EYA4: variants seen among roughly 807,000 people sequenced by gnomAD.
The protein encoded by EYA4 is protein phosphatase EYA4.
In EYA4, 31 loss-of-function variants were observed where a neutral mutation model predicts 87.9. The observed-to-expected ratio is 0.35, with a 90% CI of 0.27 to 0.48. The LOEUF (loss-of-function observed/expected upper bound fraction) is 0.48. Ranked by LOEUF, EYA4 falls within the 20% of genes least tolerant of loss-of-function variation. The pLI is 0.99. For synonymous variants in EYA4, 263 were observed against 270.6 expected (o/e 0.97, Z 0.28); for missense variants, 678 against 761.4 (o/e 0.89, Z 1.29).
chr6:133,300,460 G>A (rs1258092803), intron 2 of EYA4, among the ~76,000 whole-genome samples: 1 of 152,124 alleles, frequency 6.6e-6, no homozygotes, highest in Non-Finnish European at 1.5e-5. Context: ...TTACTGGCCA[G>A]TATTTAGTCT....
At chr6:133,512,671 G>GT (rs749469651) in intron 14 of EYA4, 50 bp from the exon 15 acceptor site, 191 of 1,416,590 alleles carry the variant, frequency 1.3e-4, no homozygotes, top group Non-Finnish European at 1.9e-4. Flanking sequence ...TTCAAGCATG[G>GT]TAACAAGCAT....
intron 13 of EYA4, among the ~76,000 whole-genome samples, chr6:133,489,632 A>G (rs1796971931): frequency 6.6e-6 from 1 of 151,992 alleles, no homozygotes; most frequent in Admixed American, 6.6e-5. Context: ...AAAAAAAAAA[A>G]CCATATTTAC....
At chr6:133,336,254 GA>G (rs2128396192) in intron 2 of EYA4, among the ~76,000 whole-genome samples, 1 of 152,214 alleles carries the variant, frequency 6.6e-6, no homozygotes, top group South Asian at 2.1e-4. Flanking sequence ...ACTAATAAGA[GA>G]GGAAAAAATG....
At chr6:133,467,610 TAATC>T (rs1794963560) in intron 10 of EYA4, among the ~76,000 whole-genome samples, 1 of 152,126 alleles carries the variant, frequency 6.6e-6, no homozygotes, top group Non-Finnish European at 1.5e-5. Context: ...CCATATTACT[TAATC>T]ATTTATGAAG....
intron 2 of EYA4, among the ~76,000 whole-genome samples, chr6:133,298,050 G>GT (rs1384524383): frequency 6.6e-6 from 1 of 152,122 alleles, no homozygotes; most frequent in Non-Finnish European, 1.5e-5. Flanking sequence ...AAAGAAAAGA[G>GT]TTTTTCCCCA....
chr6:133,456,010 C>T (rs1562442249), intron 5 of EYA4, among the ~76,000 whole-genome samples: 2 of 152,038 alleles, frequency 1.3e-5, no homozygotes, highest in Non-Finnish European at 2.9e-5. Flanking sequence ...AATTGTTATG[C>T]CATTAAAGTA....
intron 13 of EYA4, among the ~76,000 whole-genome samples, chr6:133,485,548 G>T (rs1478621410): frequency 6.6e-6 from 1 of 152,168 alleles, no homozygotes; most frequent in Non-Finnish European, 1.5e-5. Context: ...CTGAAGCCAT[G>T]TTCTTTCTGC....
chr6:133,521,167 G>A (rs1308857196), intron 17 of EYA4, among the ~76,000 whole-genome samples: 1 of 151,846 alleles, frequency 6.6e-6, no homozygotes, highest in Admixed American at 6.6e-5. Context: ...TACCATCAGA[G>A]TGAACAGGCA....
intron 5 of EYA4, among the ~76,000 whole-genome samples, chr6:133,448,706 T>C (rs565106019): frequency 6.6e-6 from 1 of 152,318 alleles, no homozygotes; most frequent in African/African-American, 2.4e-5. Flanking sequence ...AAGCTATACA[T>C]TTAAAACTAG....
intron 2 of EYA4, among the ~76,000 whole-genome samples, chr6:133,296,620 T>C (rs1778966330): frequency 6.6e-6 from 1 of 152,126 alleles, no homozygotes. Flanking sequence ...TTTTTGACCC[T>C]AAGTATTATG....
Position 133,513,028 on chromosome 6 carries a change from C to A in EYA4, c.1491C>A (p.Asn497Lys), listed in dbSNP as rs1279010897. ...RVKELYNTYKNNVGGLLGPAK... is the reference protein window; with the variant it reads ...RVKELYNTYKKNVGGLLGPAK... ...AAGAATTATATAACACCTACAAGAACAACGTTGGAGGTATGTGTGGCTTTT... is the reference window on the plus strand; with the variant it reads ...AAGAATTATATAACACCTACAAGAAAAACGTTGGAGGTATGTGTGGCTTTT... The change falls in exon 16 of 20, where the codon AAC becomes AAA. Residue 497 changes from asparagine (N) to lysine (K), a missense_variant. Physicochemically the swap from Asn to Lys is moderately conservative, Grantham distance 94. Coordinates refer to ENST00000355286, the MANE Select transcript of EYA4 (RefSeq NM_004100.5). 1 of 1,613,894 alleles carries A rather than the reference C, an allele frequency of 6.2e-7. No individual in the cohort carries two copies. Among genetic ancestry groups the A allele is most frequent in the Non-Finnish European group, 8.5e-7 (1 of 1,179,806 alleles).
intron 13 of EYA4, among the ~76,000 whole-genome samples, chr6:133,491,237 A>C (rs1382325175): frequency 6.6e-6 from 1 of 152,148 alleles, no homozygotes; most frequent in Non-Finnish European, 1.5e-5. Context: ...TATAGCTATA[A>C]TTGTCTGCAT....
chr6:133,520,195 G>T (rs1240049857), intron 17 of EYA4, among the ~76,000 whole-genome samples: 1 of 151,794 alleles, frequency 6.6e-6, no homozygotes, highest in Non-Finnish European at 1.5e-5. Context: ...AAGTCAAATT[G>T]TCCCTCTTTG....
intron 3 of EYA4, among the ~76,000 whole-genome samples, chr6:133,414,129 T>G (rs986363586): frequency 1.3e-5 from 2 of 152,198 alleles, no homozygotes; most frequent in African/African-American, 4.8e-5. Flanking sequence ...TTCTAATCTA[T>G]GCATCCAGAC....
chr6:133,443,552 C>T (rs146863323), intron 3 of EYA4, among the ~76,000 whole-genome samples: 4 of 152,006 alleles, frequency 2.6e-5, no homozygotes, highest in African/African-American at 4.8e-5. Flanking sequence ...TTGTTTCCTT[C>T]TACTTACCTT....
chr6:133,377,876 C>T (rs535149019), intron 2 of EYA4, among the ~76,000 whole-genome samples: 1 of 152,042 alleles, frequency 6.6e-6, no homozygotes, highest in East Asian at 1.9e-4. Flanking sequence ...GTGGGTCGTT[C>T]CCAGAAATCC....
chr6:133,530,941 A>G lies in EYA4; in HGVS notation c.*2136A>G. On this transcript the variant is annotated 3_prime_UTR_variant, in exon 20 of 20. Transcript: ENST00000355286. The stretch of plus-strand genomic sequence containing the variant: ...TTGCCTTGATTATCAGTACTTAATT[A>G]TGTTGTGCACTAAAACCTTAAATAT... 4.2e-6 allele frequency: 5 copies of G among 1,195,390 alleles called. No individual in the cohort carries two copies. The highest frequency in any genetic ancestry group is 5.2e-6 in the Non-Finnish European group (5 of 962,214). 74.0% of individuals were successfully genotyped at this position (1,195,390 alleles called of 1,614,324 possible). A position where few individuals can be genotyped will look rare whatever the true frequency, so the allele number is the denominator to read the frequency against.
chr6:133,258,984 C>A (rs906733952), intron 1 of EYA4, among the ~76,000 whole-genome samples: 5 of 151,996 alleles, frequency 3.3e-5, no homozygotes, highest in Non-Finnish European at 5.9e-5. Flanking sequence ...AATTGGTTTT[C>A]CTTTACATTT....
intron 14 of EYA4, among the ~76,000 whole-genome samples, 161 bp from the exon 15 acceptor site, chr6:133,512,560 C>G (rs891465973): frequency 6.6e-6 from 1 of 152,158 alleles, no homozygotes; most frequent in African/African-American, 2.4e-5. Flanking sequence ...GAAATGGTGC[C>G]ATTTCCCAAC....
Sources: allele counts gnomAD v4.1 joint callset (sites outside exome capture counted in the v4.1 genomes callset), GRCh38; gene constraint gnomAD v4.1.1; transcripts MANE v1.5; gene names NCBI Gene and HGNC (gene_info 2026-07-23, HGNC 2026-07-21).